The following ZNF341 variants were observed in gnomAD, a reference collection of about 807,000 sequenced individuals.
The protein encoded by ZNF341 is zinc finger protein 341.
Under a neutral mutation model 87.7 loss-of-function variants are expected in ZNF341, and 52 were observed. That is an observed-to-expected ratio of 0.59 (90% CI 0.47 to 0.75). The LOEUF is 0.75. Ranked by LOEUF, ZNF341 falls within the 30% of genes least tolerant of loss-of-function variation. ZNF341 has a pLI of 0.00. For synonymous variants in ZNF341, 459 were observed against 472.7 expected (o/e 0.97, Z 0.38); for missense variants, 977 against 1,145.9 (o/e 0.85, Z 2.13).
At chr20:33,755,457 C>T (rs769173887) in intron 5 of ZNF341, among the ~76,000 whole-genome samples, 88 of 151,936 alleles carry the variant, frequency 5.8e-4, no homozygotes, top group African/African-American at 2.0e-3. Context: ...CCACCATACC[C>T]GGCCAGATTT....
chr20:33,785,760 AT>A (rs2122735926), intron 12 of ZNF341, among the ~76,000 whole-genome samples: 1 of 152,276 alleles, frequency 6.6e-6, no homozygotes, highest in South Asian at 2.1e-4. Context: ...TTCTAGTTTT[AT>A]TTTACACATA....
rs768786686 is a variant in ZNF341, at chr20:33,791,406, T to C, written c.2454T>C (p.Pro818=). The change falls in exon 15 of 15, where the codon CCT becomes CCC. Residue 818 remains proline (P), a synonymous_variant. Coordinates refer to ENST00000375200, the MANE Select transcript of ZNF341 (RefSeq NM_001282933.2). Reference sequence around the variant, plus strand: ...GCGCGGAAACTGAGCTGGTGGTACCTGGACACGCTGAGGGGCTGGGCTCCA... The same window carrying C: ...GCGCGGAAACTGAGCTGGTGGTACCCGGACACGCTGAGGGGCTGGGCTCCA... The part of the protein sequence containing the change: ...AVGAETELVV[P]GHAEGLGSNL... 7 of 1,612,178 alleles carry C rather than the reference T, an allele frequency of 4.3e-6. No individual in the cohort carries two copies. The highest frequency in any genetic ancestry group is 5.9e-6 in the Non-Finnish European group (7 of 1,179,728).
At position 33,769,975 on chromosome 20, in the gene ZNF341, A is replaced by G. The variant is rs2019490858; in HGVS notation, c.1414-109A>G. On this transcript the variant is annotated intron_variant, in intron 9 of 14. Transcript: ENST00000375200. Reference sequence around the variant, plus strand: ...GTAGCAGCAGGGGGGCAGAGGGAGCAGTGGTCAGATCATTTACCATCAGTG... The same window carrying G: ...GTAGCAGCAGGGGGGCAGAGGGAGCGGTGGTCAGATCATTTACCATCAGTG... 3 of 694,244 alleles carry G rather than the reference A, an allele frequency of 4.3e-6. No individual in the cohort carries two copies. In the South Asian group the frequency reaches 5.2e-5, roughly 12 times the overall value. The allele number at this position is 694,244 out of a possible 1,614,324, so 43.0% of individuals were successfully genotyped here.
At chr20:33,743,758 T>C (rs2018859365) in intron 2 of ZNF341, among the ~76,000 whole-genome samples, 1 of 152,250 alleles carries the variant, frequency 6.6e-6, no homozygotes, top group Admixed American at 6.5e-5. Context: ...ATAGCTGTGG[T>C]AGGCCCTCAG....
Position 33,770,266 on chromosome 20 carries a change from C to T in ZNF341, c.1596C>T (p.Ser532=). The change falls in exon 10 of 15, where the codon AGC becomes AGT. Residue 532 remains serine (S), a synonymous_variant. Transcript: ENST00000375200. The part of the protein sequence containing the change: ...QYSHSLLPQH[S]PKKDNAVYKC... Reference sequence around the variant, plus strand: ...CCCACAGCCTCCTGCCACAGCACAGCCCCAAGAAGGACAATGCCGTCTACA... The same window carrying T: ...CCCACAGCCTCCTGCCACAGCACAGTCCCAAGAAGGACAATGCCGTCTACA... 6.2e-7 allele frequency: 1 copy of T among 1,614,106 alleles called. No individual in the cohort carries two copies. The highest frequency in any genetic ancestry group is 2.2e-5 in the East Asian group (1 of 44,878).
At chr20:33,760,809 G>T (rs2122684192) in intron 7 of ZNF341, among the ~76,000 whole-genome samples, 1 of 152,188 alleles carries the variant, frequency 6.6e-6, no homozygotes, top group African/African-American at 2.4e-5. Context: ...TTTCCAAAGT[G>T]CTGGGATTAC....
intron 6 of ZNF341, among the ~76,000 whole-genome samples, chr20:33,757,569 C>T (rs1050629963): frequency 1.3e-5 from 2 of 152,214 alleles, no homozygotes; most frequent in African/African-American, 4.8e-5. Context: ...ACCAGGCACC[C>T]TCGTTTCTTC....
chr20:33,785,800 A>G (rs1401806673), intron 12 of ZNF341, among the ~76,000 whole-genome samples: 2 of 152,158 alleles, frequency 1.3e-5, no homozygotes, highest in Non-Finnish European at 2.9e-5. Flanking sequence ...GTTTGCAAAA[A>G]TGAGCACATA....
chr20:33,769,681 C>T (rs1327416803), intron 9 of ZNF341, among the ~76,000 whole-genome samples: 3 of 152,108 alleles, frequency 2.0e-5, no homozygotes, highest in Non-Finnish European at 2.9e-5. Context: ...GAGCCCAAGG[C>T]GGGTGGATCA....
chr20:33,765,816 C>A (rs534091974), intron 8 of ZNF341, among the ~76,000 whole-genome samples: 2 of 152,266 alleles, frequency 1.3e-5, no homozygotes, highest in South Asian at 4.1e-4. Flanking sequence ...GCCAGAGGCC[C>A]CTGATGTCAA....
intron 10 of ZNF341, among the ~76,000 whole-genome samples, chr20:33,777,798 G>T (rs899559604): frequency 8.5e-5 from 13 of 152,122 alleles, no homozygotes; most frequent in Admixed American, 3.3e-4. Flanking sequence ...GTTGAATTCA[G>T]TTGTCATGTC....
At chr20:33,739,793 A>G (rs2018764174) in intron 1 of ZNF341, among the ~76,000 whole-genome samples, 1 of 152,182 alleles carries the variant, frequency 6.6e-6, no homozygotes, top group Non-Finnish European at 1.5e-5. Context: ...CTTTCACATG[A>G]AAGTCCAGAG....
intron 10 of ZNF341, among the ~76,000 whole-genome samples, chr20:33,775,207 G>GTTTTTTTTTTTTTTTTTTTTTTT (rs1251152193): frequency 6.7e-6 from 1 of 149,590 alleles, no homozygotes; most frequent in African/African-American, 2.5e-5. Context: ...AGTTGAAAGG[G>GTTTTTTTTTTTTTTTTTTTTTTT]TTTTGTTTTT....
intron 12 of ZNF341, among the ~76,000 whole-genome samples, chr20:33,784,867 C>T (rs1401626917): frequency 1.3e-5 from 2 of 152,122 alleles, no homozygotes; most frequent in African/African-American, 2.4e-5. Context: ...CCTCCTGCCT[C>T]GGCCTCCCAA....
At chr20:33,765,880 T>A (rs2019394777) in intron 8 of ZNF341, among the ~76,000 whole-genome samples, 1 of 151,528 alleles carries the variant, frequency 6.6e-6, no homozygotes, top group African/African-American at 2.4e-5. Context: ...ATGATTACAA[T>A]TTTTTTTGTT....
rs186622865 is a variant in ZNF341, at chr20:33,765,689, A to T, written c.1223-1162A>T. ...GCCATCACACGGCCCTAAAGAATAA[A>T]TAATTTCTTCCATTTTTTTTGAAAC... is the stretch of plus-strand genomic sequence containing the variant. On this transcript the variant is annotated intron_variant, in intron 8 of 14. Transcript: ENST00000375200. Among the ~76,000 whole-genome samples the T allele has an allele frequency of 2.6e-3, 399 of 152,246 alleles. 3 individuals are homozygous for T. Among genetic ancestry groups the T allele is most frequent in the African/African-American group, 9.0e-3 (373 of 41,558 alleles).
intron 14 of ZNF341, among the ~76,000 whole-genome samples, chr20:33,790,072 ATTT>A (rs11470365): frequency 4.3e-5 from 6 of 140,882 alleles, no homozygotes; most frequent in Admixed American, 1.4e-4. Context: ...GGGCCAGATA[ATTT>A]TTTTTTTTTT....
intron 1 of ZNF341, among the ~76,000 whole-genome samples, chr20:33,739,471 C>T (rs187572051): frequency 2.6e-5 from 4 of 152,226 alleles, no homozygotes; most frequent in Non-Finnish European, 5.9e-5. Context: ...AGTGACATGG[C>T]CAGACAGTGT....
rs982121798 is a variant in ZNF341 at position 33,761,989 on chromosome 20, C to T, written c.1156C>T (p.Arg386Ter). The T allele has an allele frequency of 2.5e-6, 4 of 1,605,876 alleles. No individual in the cohort carries two copies. The highest frequency in any genetic ancestry group is 3.4e-6 in the Non-Finnish European group (4 of 1,174,156). ...AGGACACAGTGGTGGCACCGTGTCT[C>T]GAAACTCTGTGACCGTACAGGTCAT... ...PPGHSGGTVS[R>*]NSVTVQVMAL... Residue 386 changes from arginine to a stop codon, truncating the protein, a stop_gained, in exon 8 of 15, where the codon CGA (arginine) becomes TGA (stop). Coordinates refer to ENST00000375200, the MANE Select transcript of ZNF341 (RefSeq NM_001282933.2). LOFTEE classifies it high-confidence loss of function.
Sources: gnomAD v4.1 joint callset for allele counts (sites outside exome capture counted in the v4.1 genomes callset) on GRCh38, gnomAD v4.1.1 for gene constraint, MANE v1.5 for transcripts, NCBI Gene and HGNC (gene_info 2026-07-23, HGNC 2026-07-21) for gene names.